Variants in LRMDA observed in about 807,000 individuals in gnomAD.
The protein encoded by LRMDA is leucine rich melanocyte differentiation associated, also known as leucine-rich melanocyte differentiation-associated protein.
In LRMDA, 18 loss-of-function variants were observed where a neutral mutation model predicts 29.8. That is an observed-to-expected ratio of 0.60 (90% CI 0.42 to 0.90). LRMDA has a LOEUF of 0.90. Ranked by LOEUF, LRMDA falls within the 40% of genes least tolerant of loss-of-function variation. The pLI, the probability that LRMDA is intolerant of heterozygous loss-of-function variation, is 0.00. For synonymous variants in LRMDA, 125 were observed against 109.4 expected, an observed-to-expected ratio of 1.14 and a Z score of -0.89; for missense variants, 273 against 273.9, an observed-to-expected ratio of 1.00 and a Z score of 0.02.
At chr10:76,163,074 G>A (rs188201119) in intron 5 of LRMDA, among the ~76,000 whole-genome samples, 265 of 152,278 alleles carry the variant, frequency 1.7e-3, no homozygotes, top group Non-Finnish European at 3.3e-3. Flanking sequence ...ATTAAAACGT[G>A]AGCTTCTTGT....
intron 2 of LRMDA, among the ~76,000 whole-genome samples, chr10:75,605,857 CCTTT>C (rs1343624642): frequency 6.6e-6 from 1 of 151,936 alleles, no homozygotes; most frequent in Admixed American, 6.6e-5. Context: ...CCCAAATAAG[CCTTT>C]CTTTCTTTCT....
At chr10:76,529,457 G>C (rs756977877) in intron 6 of LRMDA, among the ~76,000 whole-genome samples, 2 of 152,096 alleles carry the variant, frequency 1.3e-5, no homozygotes, top group Non-Finnish European at 2.9e-5. Context: ...TACAGATATT[G>C]AGAGACAAAG....
At chr10:75,563,321 T>C (rs1462488105) in intron 2 of LRMDA, among the ~76,000 whole-genome samples, 1 of 152,182 alleles carries the variant, frequency 6.6e-6, no homozygotes, top group Non-Finnish European at 1.5e-5. Flanking sequence ...TTTGATTGCA[T>C]TGGCTCCTGA....
At chr10:75,577,383 G>A (rs1459996627) in intron 2 of LRMDA, among the ~76,000 whole-genome samples, 1 of 152,148 alleles carries the variant, frequency 6.6e-6, no homozygotes, top group African/African-American at 2.4e-5. Context: ...AAGAAATATG[G>A]TAATATGTGA....
chr10:75,912,682 G>T (rs1845861847), intron 2 of LRMDA, among the ~76,000 whole-genome samples: 1 of 152,312 alleles, frequency 6.6e-6, no homozygotes, highest in African/African-American at 2.4e-5. Context: ...CTTATTGATG[G>T]TTTGAATGTG....
At chr10:76,025,634 C>T (rs1334065726) in intron 2 of LRMDA, among the ~76,000 whole-genome samples, 1 of 152,084 alleles carries the variant, frequency 6.6e-6, no homozygotes, top group Non-Finnish European at 1.5e-5. Context: ...TTTTTGGTAG[C>T]AAATCAGCTT....
chr10:76,108,525 C>G (rs1223046154), intron 5 of LRMDA, among the ~76,000 whole-genome samples: 1 of 152,128 alleles, frequency 6.6e-6, no homozygotes, highest in African/African-American at 2.4e-5. Flanking sequence ...CACCCCTACA[C>G]ACATCATTAA....
At chr10:76,078,919 T>C (rs1374924842) in intron 5 of LRMDA, among the ~76,000 whole-genome samples, 1 of 152,220 alleles carries the variant, frequency 6.6e-6, no homozygotes, top group Admixed American at 6.5e-5. Context: ...GGCTAGTTTC[T>C]ACCCATTAAC....
intron 2 of LRMDA, among the ~76,000 whole-genome samples, chr10:75,634,595 G>A (rs2132115214): frequency 6.6e-6 from 1 of 152,300 alleles, no homozygotes; most frequent in Non-Finnish European, 1.5e-5. Context: ...GGGCATTTGA[G>A]CTTGCAATCC....
At chr10:75,458,542 G>A (rs994066924) in intron 2 of LRMDA, among the ~76,000 whole-genome samples, 4 of 152,122 alleles carry the variant, frequency 2.6e-5, no homozygotes, top group Non-Finnish European at 5.9e-5. Flanking sequence ...ACTAAATAAG[G>A]TATGTCATTA....
At chr10:75,691,080 C>A (rs1403302868) in intron 2 of LRMDA, among the ~76,000 whole-genome samples, 1 of 101,844 alleles carries the variant, frequency 9.8e-6, no homozygotes, top group Non-Finnish European at 1.9e-5. Flanking sequence ...ATATATAGAT[C>A]TATATATCTA....
At chr10:75,592,218 G>T (rs1278483971) in intron 2 of LRMDA, among the ~76,000 whole-genome samples, 1 of 152,146 alleles carries the variant, frequency 6.6e-6, no homozygotes, top group African/African-American at 2.4e-5. Context: ...GACCAGCCCT[G>T]GCAGGAATGT....
chr10:75,546,833 T>C (rs1288134653), intron 2 of LRMDA, among the ~76,000 whole-genome samples: 1 of 152,246 alleles, frequency 6.6e-6, no homozygotes, highest in Non-Finnish European at 1.5e-5. Context: ...TCTACATTTT[T>C]AATAATGTTA....
chr10:76,112,701 G>A (rs1208147927), intron 5 of LRMDA, among the ~76,000 whole-genome samples: 1 of 152,118 alleles, frequency 6.6e-6, no homozygotes. Flanking sequence ...TCCGGCTCCC[G>A]GAGCCCCCAG....
chr10:76,265,272 T>A (rs1447905611), intron 5 of LRMDA, among the ~76,000 whole-genome samples: 2 of 152,200 alleles, frequency 1.3e-5, no homozygotes, highest in Non-Finnish European at 2.9e-5. Context: ...AAGGGTTGAA[T>A]AACGGTTTGG....
intron 2 of LRMDA, among the ~76,000 whole-genome samples, chr10:75,587,323 G>GT (rs1198758066): frequency 6.6e-6 from 1 of 151,842 alleles, no homozygotes; most frequent in Non-Finnish European, 1.5e-5. Context: ...CCAGGGTTGC[G>GT]TTTTTTTGTT....
chr10:76,476,683 A>G (rs1842675940), intron 6 of LRMDA, among the ~76,000 whole-genome samples: 1 of 152,186 alleles, frequency 6.6e-6, no homozygotes, highest in Non-Finnish European at 1.5e-5. Flanking sequence ...CCAGCAGCAC[A>G]TCAAAAACCT....
At chr10:76,306,783 G>C (rs1840561868) in intron 5 of LRMDA, among the ~76,000 whole-genome samples, 1 of 152,178 alleles carries the variant, frequency 6.6e-6, no homozygotes, top group Admixed American at 6.5e-5. Context: ...ACTTCCTCGT[G>C]CTACTCTTTT....
At chr10:75,844,082 A>G (rs1321791949) in intron 2 of LRMDA, among the ~76,000 whole-genome samples, 2 of 152,152 alleles carry the variant, frequency 1.3e-5, no homozygotes, top group Non-Finnish European at 2.9e-5. Context: ...ACTCTCTTTG[A>G]TGGGCCTGAT....
Sources: gnomAD v4.1 joint callset for allele counts (sites outside exome capture counted in the v4.1 genomes callset) on GRCh38, gnomAD v4.1.1 for gene constraint, MANE v1.5 for transcripts, NCBI Gene and HGNC (gene_info 2026-07-23, HGNC 2026-07-21) for gene names.